ASPH: variants seen among roughly 807,000 people sequenced by gnomAD.
ASPH encodes the protein aspartyl/asparaginyl beta-hydroxylase.
Under a neutral mutation model 118.4 loss-of-function variants are expected in ASPH, and 100 were observed. The ratio of observed to expected loss-of-function variants is 0.84; its 90% CI spans 0.72 to 1.00. The LOEUF (loss-of-function observed/expected upper bound fraction) is 1.00. ASPH is among the 50% of genes least tolerant of loss of function. The pLI is 0.00. For synonymous variants in ASPH, 315 were observed against 325.6 expected (o/e 0.97, Z 0.35); for missense variants, 920 against 919.5 (o/e 1.00, Z -0.01).
At chr8:61,566,569 C>T (rs575304218) in intron 17 of ASPH, among the ~76,000 whole-genome samples, 3 of 152,330 alleles carry the variant, frequency 2.0e-5, no homozygotes, top group Admixed American at 6.5e-5. Flanking sequence ...AGGCAAAATA[C>T]TGTCAAACAG....
At chr8:61,641,603 C>G (rs1251912985) in intron 10 of ASPH, among the ~76,000 whole-genome samples, 1 of 152,060 alleles carries the variant, frequency 6.6e-6, no homozygotes, top group Non-Finnish European at 1.5e-5. Flanking sequence ...CATTCATATC[C>G]CATTAGAAAT....
intron 14 of ASPH, 95 bp from the exon 15 acceptor site, chr8:61,584,124 G>T (rs1838504770): frequency 7.9e-6 from 6 of 754,930 alleles, no homozygotes; most frequent in Non-Finnish European, 1.2e-5. Context: ...CCTGATGCTG[G>T]TCTCCACCAA....
chr8:61,571,951 C>T (rs11786642), intron 16 of ASPH, among the ~76,000 whole-genome samples: 138,054 of 152,280 alleles, frequency 0.91, 62,651 homozygotes, highest in Middle Eastern at 0.93. Flanking sequence ...ACTGACCAAA[C>T]TAATTTATAA....
intron 21 of ASPH, among the ~76,000 whole-genome samples, chr8:61,544,644 C>T (rs1463996804): frequency 3.3e-5 from 5 of 152,116 alleles, no homozygotes; most frequent in African/African-American, 1.2e-4. Flanking sequence ...GTAAGAAATG[C>T]TCAGTAGTAA....
Position 61,578,194 on chromosome 8 carries a change from C to T in ASPH, c.1063-1336G>A, listed in dbSNP as rs188406845. The T allele has an allele frequency of 1.9e-4, 297 of 1,554,260 alleles. No individual in the cohort carries two copies. The African/African-American group carries it at 2.7e-3, about 14-fold the overall frequency. On this transcript the variant is annotated intron_variant, in intron 15 of 24. Coordinates refer to ENST00000379454, the MANE Select transcript of ASPH (RefSeq NM_004318.4). ...TCTAGGATCTCCGCCTGGTTCGGCCCGCCTGCCTCCACTCCTGCCTCCACC... is the reference window on the plus strand; with the variant it reads ...TCTAGGATCTCCGCCTGGTTCGGCCTGCCTGCCTCCACTCCTGCCTCCACC...
intron 1 of ASPH, among the ~76,000 whole-genome samples, chr8:61,698,118 A>C (rs1259745467): frequency 6.6e-6 from 1 of 152,244 alleles, no homozygotes; most frequent in Non-Finnish European, 1.5e-5. Flanking sequence ...TTAAATTTAC[A>C]GAGTTTAATT....
chr8:61,532,613 T>C (rs991665426), intron 21 of ASPH, among the ~76,000 whole-genome samples: 5 of 152,216 alleles, frequency 3.3e-5, no homozygotes, highest in African/African-American at 2.4e-5. Context: ...AAGAGGAATG[T>C]CTTTTTATAA....
Position 61,529,587 on chromosome 8 carries a change from A to T in ASPH, c.1765-3475T>A, listed in dbSNP as rs144580597. ...TGCTGTTTTTAAGCACAAACCAAGG[A>T]ATCACGTAATATAATATTCACATGG... is the stretch of plus-strand genomic sequence containing the variant. On this transcript the variant is annotated intron_variant, in intron 21 of 24. Coordinates refer to ENST00000379454, the MANE Select transcript of ASPH (RefSeq NM_004318.4). 2.7e-3 allele frequency among the ~76,000 whole-genome samples: 406 copies of T among 152,344 alleles called. 4 individuals carry two copies. The highest frequency in any genetic ancestry group is 9.3e-3 in the African/African-American group (388 of 41,578).
At chr8:61,548,541 A>G (rs1824727422) in intron 20 of ASPH, among the ~76,000 whole-genome samples, 1 of 152,228 alleles carries the variant, frequency 6.6e-6, no homozygotes, top group Non-Finnish European at 1.5e-5. Context: ...AATAAATAAG[A>G]CACCAAAGGG....
chr8:61,502,947 C>T lies in ASPH; in HGVS notation c.*412G>A, dbSNP rs1805185716. On this transcript the variant is annotated 3_prime_UTR_variant, in exon 25 of 25. Transcript: ENST00000379454. ...ACAAAAATGTAGTGGTACATGATGA[C>T]AAAATAGTCTAGCTACACTAGAAAA... The T allele has an allele frequency of 6.5e-6, 1 of 153,758 alleles. No homozygotes were observed. Among genetic ancestry groups the T allele is most frequent in the Non-Finnish European group, 1.4e-5 (1 of 69,224 alleles). The allele number at this position is 153,758 out of a possible 1,614,324, so 9.5% of individuals were successfully genotyped here. A position where few individuals can be genotyped will look rare whatever the true frequency, so the allele number is the denominator to read the frequency against.
chr8:61,507,575 A>G (rs946916991), intron 24 of ASPH, among the ~76,000 whole-genome samples: 1 of 152,234 alleles, frequency 6.6e-6, no homozygotes, highest in Admixed American at 6.5e-5. Context: ...GGGGAAAATG[A>G]AGAACAATAA....
At chr8:61,714,105 C>T (rs534291748) in intron 1 of ASPH, among the ~76,000 whole-genome samples, 164 bp downstream of exon 1, 1 of 152,140 alleles carries the variant, frequency 6.6e-6, no homozygotes, top group East Asian at 1.9e-4. Context: ...CCGCCAGGCC[C>T]GCCGAATGCG....
At chr8:61,602,633 C>T (rs1041339021) in intron 14 of ASPH, among the ~76,000 whole-genome samples, 2 of 151,098 alleles carry the variant, frequency 1.3e-5, no homozygotes, top group Non-Finnish European at 2.9e-5. Context: ...TGCGTAGGGA[C>T]CTTAAGTGGA....
chr8:61,701,726 T>G (rs1835287492), intron 1 of ASPH, among the ~76,000 whole-genome samples: 1 of 152,184 alleles, frequency 6.6e-6, no homozygotes, highest in South Asian at 2.1e-4. Flanking sequence ...GAAAGTTCAA[T>G]TTTTAACAAA....
chr8:61,556,442 T>C (rs1417159569), intron 18 of ASPH, among the ~76,000 whole-genome samples: 1 of 152,206 alleles, frequency 6.6e-6, no homozygotes, highest in Admixed American at 6.5e-5. Context: ...ATATACAAGC[T>C]TTATACATTG....
chr8:61,641,821 T>C (rs1805263236), intron 10 of ASPH, among the ~76,000 whole-genome samples: 2 of 152,186 alleles, frequency 1.3e-5, no homozygotes, highest in South Asian at 4.1e-4. Context: ...GTCCTCCATA[T>C]CCACCAACTC....
intron 3 of ASPH, among the ~76,000 whole-genome samples, chr8:61,672,242 A>T (rs998432917): frequency 3.9e-5 from 6 of 152,108 alleles, no homozygotes; most frequent in Non-Finnish European, 8.8e-5. Flanking sequence ...AGTACAGATT[A>T]AAAAAAGAAG....
At chr8:61,572,587 C>A (rs1833779756) in intron 16 of ASPH, among the ~76,000 whole-genome samples, 1 of 152,208 alleles carries the variant, frequency 6.6e-6, no homozygotes, top group Middle Eastern at 3.2e-3. Context: ...TCCTCTTCCT[C>A]TGATGTTTTT....
In ASPH at chr8:61,555,303, GAC is replaced by G. The variant is rs889611667; in HGVS notation, c.1536+619_1536+620del. Among the ~76,000 whole-genome samples the G allele has an allele frequency of 1.1e-3, 161 of 151,878 alleles. 1 individual carries two copies. Among genetic ancestry groups the G allele is most frequent in the African/African-American group, 3.3e-3 (136 of 41,418 alleles). ...ATTTATTTATTTATTAATTTTTTGA[GAC>G]ACAGTTTCACTCTGTTGCCCAGGCT... On this transcript the variant is annotated intron_variant, in intron 19 of 24. Coordinates refer to ENST00000379454, the MANE Select transcript of ASPH (RefSeq NM_004318.4).
Sources: gnomAD v4.1 joint callset for allele counts (sites outside exome capture counted in the v4.1 genomes callset) on GRCh38, gnomAD v4.1.1 for gene constraint, MANE v1.5 for transcripts, NCBI Gene and HGNC (gene_info 2026-07-23, HGNC 2026-07-21) for gene names.